The following MAML2 variants were observed in gnomAD, a reference collection of about 807,000 sequenced individuals.
MAML2 encodes mastermind-like protein 2.
A neutral mutation model predicts 96.1 loss-of-function variants in MAML2; 22 were observed. The ratio of observed to expected loss-of-function variants is 0.23; its 90% CI spans 0.16 to 0.33. The LOEUF is 0.33. Among genes scored for constraint, MAML2 ranks in the 10% least tolerant of loss-of-function variants. The pLI is 1.00. For synonymous variants in MAML2, 561 were observed against 521.3 expected, an observed-to-expected ratio of 1.08 and a Z score of -1.04; for missense variants, 1,367 against 1,392.4, an observed-to-expected ratio of 0.98 and a Z score of 0.29.
chr11:96,133,107 A>T (rs992896593), intron 1 of MAML2, among the ~76,000 whole-genome samples: 1 of 152,186 alleles, frequency 6.6e-6, no homozygotes, highest in Non-Finnish European at 1.5e-5. Context: ...GTAAGAGAAA[A>T]CATCGCCCTC....
At chr11:96,243,109 C>T (rs976779327) in intron 1 of MAML2, among the ~76,000 whole-genome samples, 1 of 149,256 alleles carries the variant, frequency 6.7e-6, no homozygotes, top group African/African-American at 2.4e-5. Flanking sequence ...ACCAACTTCC[C>T]TTGCAAAAGT....
chr11:95,990,520 T>A (rs1857892648), intron 3 of MAML2, among the ~76,000 whole-genome samples: 1 of 152,198 alleles, frequency 6.6e-6, no homozygotes, highest in South Asian at 2.1e-4. Flanking sequence ...TGAAATCATT[T>A]CTAGTAGTTA....
chr11:96,308,805 C>A (rs1488466509), intron 1 of MAML2, among the ~76,000 whole-genome samples: 1 of 152,068 alleles, frequency 6.6e-6, no homozygotes, highest in East Asian at 1.9e-4. Context: ...ATGTAAAGAC[C>A]TTGAAGCTGG....
chr11:96,114,774 A>G (rs1860205303), intron 1 of MAML2, among the ~76,000 whole-genome samples: 1 of 152,228 alleles, frequency 6.6e-6, no homozygotes, highest in Non-Finnish European at 1.5e-5. Flanking sequence ...GTCAGTAGAA[A>G]AGGCTCAGGC....
intron 1 of MAML2, among the ~76,000 whole-genome samples, chr11:96,265,250 C>T (rs916787610): frequency 2.6e-5 from 4 of 152,012 alleles, no homozygotes; most frequent in Non-Finnish European, 4.4e-5. Flanking sequence ...GCGGGGAGGA[C>T]GAGGGGAGAG....
At chr11:96,153,385 C>T (rs1208367721) in intron 1 of MAML2, among the ~76,000 whole-genome samples, 1 of 152,202 alleles carries the variant, frequency 6.6e-6, no homozygotes, top group Non-Finnish European at 1.5e-5. Flanking sequence ...CTCTTCCTAA[C>T]TGTATCATCC....
At chr11:96,149,898 G>A (rs961055120) in intron 1 of MAML2, among the ~76,000 whole-genome samples, 1 of 151,818 alleles carries the variant, frequency 6.6e-6, no homozygotes, top group African/African-American at 2.4e-5. Context: ...GCCTGGCTCT[G>A]CCTGTCTCTC....
chr11:96,153,781 C>T (rs1476003959), intron 1 of MAML2, among the ~76,000 whole-genome samples: 1 of 152,030 alleles, frequency 6.6e-6, no homozygotes, highest in East Asian at 1.9e-4. Context: ...TGTGGTGGCA[C>T]ACACCTGCAA....
At chr11:96,326,103 C>T (rs1253848195) in intron 1 of MAML2, among the ~76,000 whole-genome samples, 1 of 126,010 alleles carries the variant, frequency 7.9e-6, no homozygotes, top group African/African-American at 3.2e-5. Flanking sequence ...CGCCCCCCCC[C>T]CATTAAAATG....
At chr11:96,254,300 G>A (rs966255920) in intron 1 of MAML2, among the ~76,000 whole-genome samples, 2 of 151,758 alleles carry the variant, frequency 1.3e-5, no homozygotes, top group Non-Finnish European at 2.9e-5. Flanking sequence ...TGCCGGACGT[G>A]AGAAAAACAC....
At chr11:95,988,112 G>GAT (rs1391141861) in intron 3 of MAML2, among the ~76,000 whole-genome samples, 2 of 123,764 alleles carry the variant, frequency 1.6e-5, no homozygotes, top group Non-Finnish European at 3.4e-5. Flanking sequence ...CTGAAGACAG[G>GAT]ATGTGTGTGT....
At chr11:96,126,391 C>T (rs1215443534) in intron 1 of MAML2, among the ~76,000 whole-genome samples, 1 of 152,056 alleles carries the variant, frequency 6.6e-6, no homozygotes, top group Non-Finnish European at 1.5e-5. Flanking sequence ...AACCCTGTCT[C>T]TACTGAAAAT....
chr11:96,306,469 C>T (rs2136001580), intron 1 of MAML2, among the ~76,000 whole-genome samples: 1 of 152,298 alleles, frequency 6.6e-6, no homozygotes, highest in Non-Finnish European at 1.5e-5. Flanking sequence ...AAACAGTTCT[C>T]CAAGCTCCAG....
chr11:96,133,664 T>C (rs991221636), intron 1 of MAML2, among the ~76,000 whole-genome samples: 4 of 152,158 alleles, frequency 2.6e-5, no homozygotes, highest in African/African-American at 9.7e-5. Flanking sequence ...GAGAATACAA[T>C]AGAAACCTTT....
chr11:96,253,617 G>C (rs1862618069), intron 1 of MAML2, among the ~76,000 whole-genome samples: 1 of 152,180 alleles, frequency 6.6e-6, no homozygotes, highest in African/African-American at 2.4e-5. Flanking sequence ...AAAATCTTCT[G>C]AGGCGCATTT....
intron 1 of MAML2, among the ~76,000 whole-genome samples, chr11:96,196,840 C>T (rs963401546): frequency 2.7e-5 from 4 of 149,468 alleles, no homozygotes; most frequent in African/African-American, 9.9e-5. Context: ...CCCACCTATA[C>T]CTTCTATAGT....
At chr11:96,289,262 A>G (rs1217657689) in intron 1 of MAML2, among the ~76,000 whole-genome samples, 2 of 152,156 alleles carry the variant, frequency 1.3e-5, no homozygotes, top group Admixed American at 6.5e-5. Flanking sequence ...AAGTAATACC[A>G]CTTTTATTTA....
chr11:96,000,873 T>C (rs1469045989), intron 2 of MAML2, among the ~76,000 whole-genome samples: 1 of 152,164 alleles, frequency 6.6e-6, no homozygotes, highest in Non-Finnish European at 1.5e-5. Flanking sequence ...CTTGAAAGAA[T>C]TGTAGCTTAT....
intron 2 of MAML2, among the ~76,000 whole-genome samples, chr11:96,023,381 T>C (rs1858466391): frequency 6.6e-6 from 1 of 152,180 alleles, no homozygotes; most frequent in South Asian, 2.1e-4. Flanking sequence ...TAATTCCCAA[T>C]GCACCCACTT....
Sources: allele counts gnomAD v4.1 joint callset (sites outside exome capture counted in the v4.1 genomes callset), GRCh38; gene constraint gnomAD v4.1.1; transcripts MANE v1.5; gene names NCBI Gene and HGNC (gene_info 2026-07-23, HGNC 2026-07-21).